The following NECAB1 variants were observed in gnomAD, a reference collection of about 807,000 sequenced individuals.
NECAB1 encodes the protein N-terminal EF-hand calcium binding protein 1, also known as N-terminal EF-hand calcium-binding protein 1.
NECAB1 carries 29 observed loss-of-function variants against 57.5 expected under a neutral mutation model. That is an observed-to-expected ratio of 0.50 (90% CI 0.38 to 0.69). The LOEUF is 0.69. Ranked by LOEUF, NECAB1 falls within the 30% of genes least tolerant of loss-of-function variation. The probability of loss-of-function intolerance (pLI) is 0.00; values close to 1 mark genes in which losing one functional copy is unlikely to be tolerated. For synonymous variants in NECAB1, 142 were observed against 147.7 expected (o/e 0.96, Z 0.28); for missense variants, 372 against 413.8 (o/e 0.90, Z 0.88).
At chr8:90,808,272 C>A (rs1377742550) in intron 2 of NECAB1, among the ~76,000 whole-genome samples, 1 of 152,160 alleles carries the variant, frequency 6.6e-6, no homozygotes, top group Admixed American at 6.5e-5. Context: ...TGGCTGCTAC[C>A]TTAAGTGCTT....
intron 5 of NECAB1, among the ~76,000 whole-genome samples, chr8:90,905,859 A>C (rs980548717): frequency 5.9e-5 from 9 of 152,080 alleles, no homozygotes; most frequent in Non-Finnish European, 1.3e-4. Context: ...ATTATTCTTC[A>C]TCTGTATCTA....
intron 1 of NECAB1, 97 bp from the exon 2 acceptor site, chr8:90,801,594 T>A (rs1811758813): frequency 1.3e-6 from 1 of 769,164 alleles, no homozygotes; most frequent in Admixed American, 3.0e-5. Flanking sequence ...AATTAGAATG[T>A]ATTTTATTTA....
intron 10 of NECAB1, among the ~76,000 whole-genome samples, chr8:90,943,508 C>T (rs1810725321): frequency 6.6e-6 from 1 of 152,056 alleles, no homozygotes; most frequent in African/African-American, 2.4e-5. Flanking sequence ...TTCAGTTGTA[C>T]CAGTTAATCA....
At chr8:90,869,786 T>G (rs559860784) in intron 3 of NECAB1, among the ~76,000 whole-genome samples, 10 of 152,274 alleles carry the variant, frequency 6.6e-5, no homozygotes, top group Admixed American at 5.2e-4. Flanking sequence ...ACATTTGAGT[T>G]AACACTGAAA....
chr8:90,842,936 C>T (rs547855637), intron 3 of NECAB1, among the ~76,000 whole-genome samples: 1 of 152,224 alleles, frequency 6.6e-6, no homozygotes, highest in South Asian at 2.1e-4. Context: ...TATTCTGTGT[C>T]CCTTTCACAT....
chr8:90,920,640 G>A (rs73298045), intron 6 of NECAB1, among the ~76,000 whole-genome samples: 3,374 of 152,150 alleles, frequency 0.022, 141 homozygotes, highest in African/African-American at 0.077. Context: ...ACTTCTCCTC[G>A]TCTGTCTTGT....
At chr8:90,824,683 A>G in intron 2 of NECAB1, 34 bp from the exon 3 acceptor site, 1 of 1,362,444 alleles carries the variant, frequency 7.3e-7, no homozygotes, top group Non-Finnish European at 1.0e-6. Flanking sequence ...ACAAAATTAA[A>G]ATAATTTGTG....
chr8:90,900,381 T>A (rs143151464), intron 5 of NECAB1, among the ~76,000 whole-genome samples: 2 of 152,300 alleles, frequency 1.3e-5, no homozygotes, highest in East Asian at 3.9e-4. Context: ...TCTTTTCTTC[T>A]TCAACTCTAG....
In NECAB1 at chr8:90,824,793, G is replaced by C; in HGVS notation, c.201G>C (p.Glu67Asp). Residue 67 changes from glutamate to aspartate, a missense_variant, in exon 3 of 13, where the codon GAG (glutamate) becomes GAC (aspartate). Coordinates refer to ENST00000417640, the MANE Select transcript of NECAB1 (RefSeq NM_022351.5). ...TTCTCAGTGGAGAAGAATTACACGA[G>C]CTTTTCCATACCATTGATACACATA... ...DGVLSGEELH[E>D]LFHTIDTHNT... 6.5e-6 allele frequency: 10 copies of C among 1,549,444 alleles called. No individual in the cohort carries two copies. The highest frequency in any genetic ancestry group is 7.9e-6 in the Non-Finnish European group (9 of 1,144,086).
At chr8:90,851,975 T>C (rs1812691978) in intron 3 of NECAB1, among the ~76,000 whole-genome samples, 1 of 152,182 alleles carries the variant, frequency 6.6e-6, no homozygotes, top group South Asian at 2.1e-4. Flanking sequence ...AGTGTTTCTT[T>C]ACTTCCCCAG....
intron 3 of NECAB1, among the ~76,000 whole-genome samples, chr8:90,851,476 G>T (rs1294611928): frequency 6.6e-6 from 1 of 152,080 alleles, no homozygotes; most frequent in Non-Finnish European, 1.5e-5. Context: ...GATCATAATT[G>T]AATTGTAGGA....
chr8:90,944,890 T>C (rs2130253373), intron 10 of NECAB1, among the ~76,000 whole-genome samples: 1 of 152,292 alleles, frequency 6.6e-6, no homozygotes, highest in Non-Finnish European at 1.5e-5. Context: ...GAATCATTAA[T>C]CATTTATCAG....
chr8:90,816,624 C>A (rs1420709715), intron 2 of NECAB1, among the ~76,000 whole-genome samples: 2 of 151,764 alleles, frequency 1.3e-5, no homozygotes, highest in Non-Finnish European at 3.0e-5. Context: ...CCTTTGTCAA[C>A]AATCAGTTGA....
At chr8:90,850,142 A>G (rs1812656053) in intron 3 of NECAB1, among the ~76,000 whole-genome samples, 1 of 152,238 alleles carries the variant, frequency 6.6e-6, no homozygotes, top group Admixed American at 6.5e-5. Flanking sequence ...AGAGAGAGAT[A>G]AAAGTAGAGA....
chr8:90,821,647 T>G (rs1586040952), intron 2 of NECAB1, among the ~76,000 whole-genome samples: 1 of 151,766 alleles, frequency 6.6e-6, no homozygotes, highest in East Asian at 1.9e-4. Context: ...TGGGAAACCT[T>G]CCCTATCCCT....
At chr8:90,896,741 C>G (rs1809352053) in intron 5 of NECAB1, among the ~76,000 whole-genome samples, 1 of 152,190 alleles carries the variant, frequency 6.6e-6, no homozygotes, top group Non-Finnish European at 1.5e-5. Flanking sequence ...TCCACCCTGA[C>G]TCATCCTGAT....
intron 9 of NECAB1, among the ~76,000 whole-genome samples, chr8:90,935,260 A>G (rs1340853453): frequency 6.6e-6 from 1 of 152,216 alleles, no homozygotes; most frequent in Non-Finnish European, 1.5e-5. Context: ...GCTCCTGCCC[A>G]TCTGTCCAAA....
At chr8:90,816,495 G>A (rs893001844) in intron 2 of NECAB1, among the ~76,000 whole-genome samples, 17 of 151,522 alleles carry the variant, frequency 1.1e-4, no homozygotes, top group African/African-American at 3.6e-4. Context: ...GTTAATTTTC[G>A]CTATCTCAAA....
At chr8:90,895,705 GCC>G (rs1809310759) in intron 5 of NECAB1, among the ~76,000 whole-genome samples, 1 of 152,196 alleles carries the variant, frequency 6.6e-6, no homozygotes, top group African/African-American at 2.4e-5. Context: ...CCCCTTCCTT[GCC>G]CCATGAAGTT....
Sources: allele counts gnomAD v4.1 joint callset (sites outside exome capture counted in the v4.1 genomes callset), GRCh38; gene constraint gnomAD v4.1.1; transcripts MANE v1.5; gene names NCBI Gene and HGNC (gene_info 2026-07-23, HGNC 2026-07-21).